The following KIF5C variants were observed in gnomAD, a reference collection of about 807,000 sequenced individuals.
The protein encoded by KIF5C is kinesin heavy chain isoform 5C.
In KIF5C, 18 loss-of-function variants were observed where a neutral mutation model predicts 125.2. That is an observed-to-expected ratio of 0.14 (90% CI 0.10 to 0.21). KIF5C has a LOEUF of 0.21. Ranked by LOEUF, KIF5C falls within the 10% of genes least tolerant of loss-of-function variation. KIF5C has a pLI of 1.00. For synonymous variants in KIF5C, 405 were observed against 434.0 expected (o/e 0.93, Z 0.83); for missense variants, 780 against 1,183.8 (o/e 0.66, Z 5.01).
chr2:148,964,078 C>T (rs1473279807), intron 11 of KIF5C, among the ~76,000 whole-genome samples: 9 of 152,124 alleles, frequency 5.9e-5, no homozygotes, highest in Non-Finnish European at 1.2e-4. Context: ...GAGTTCGAGA[C>T]CCGCCTGGCC....
intron 10 of KIF5C, 23 bp downstream of exon 10, chr2:148,950,485 C>T: frequency 6.2e-7 from 1 of 1,607,718 alleles, no homozygotes; most frequent in Non-Finnish European, 8.5e-7. Context: ...TCTCAGGACC[C>T]ATCCTCTGTG....
At chr2:148,880,686 A>C (rs577588262) in intron 1 of KIF5C, among the ~76,000 whole-genome samples, 1 of 152,320 alleles carries the variant, frequency 6.6e-6, no homozygotes, top group South Asian at 2.1e-4. Context: ...ATTCTAGTCT[A>C]GTAGTGTCAG....
chr2:148,877,582 G>A (rs1681227621), intron 1 of KIF5C, among the ~76,000 whole-genome samples: 1 of 152,212 alleles, frequency 6.6e-6, no homozygotes, highest in Non-Finnish European at 1.5e-5. Context: ...TAGATAGAGT[G>A]GGAGTTACTG....
At position 148,973,369 on chromosome 2, in the gene KIF5C, C is replaced by G; in HGVS notation, c.1151C>G (p.Ala384Gly). ...EAVPEDEQIS[A>G]KDQKNLEPCD... ...GTGCCTGAGGATGAACAGATCAGTG[C>G]CAAGGACCAGAAGAACCTGGAGCCT... is the stretch of plus-strand genomic sequence containing the variant. Residue 384 changes from alanine (A) to glycine (G), a missense_variant, in exon 12 of 26, where the codon GCC becomes GGC. Ala to Gly is a moderately conservative substitution (Grantham distance 60). This residue lies in a region of KIF5C where 573 missense variants were observed against 742.6 expected (regional missense o/e 0.77). Transcript: ENST00000435030. 6.2e-7 allele frequency: 1 copy of G among 1,613,540 alleles called. No individual in the cohort carries two copies. The highest frequency in any genetic ancestry group is 1.3e-5 in the African/African-American group (1 of 75,020).
intron 17 of KIF5C, 92 bp downstream of exon 17, chr2:148,994,630 G>A (rs952460693): frequency 7.0e-7 from 1 of 1,423,626 alleles, no homozygotes; most frequent in African/African-American, 1.5e-5. Context: ...GTTTCGTTCA[G>A]TTAAAGCATT....
In KIF5C at chr2:148,997,267, A is replaced by G. The variant is rs1198333572; in HGVS notation, c.2027A>G (p.Lys676Arg). The change falls in exon 18 of 26, where the codon AAA becomes AGA. Residue 676 changes from lysine (K) to arginine (R), a missense_variant. Coordinates refer to ENST00000435030, the MANE Select transcript of KIF5C (RefSeq NM_004522.3). ...EELAKLRAQEKMHEVSFQDKE... is the reference protein window; with the variant it reads ...EELAKLRAQERMHEVSFQDKE... ...CATCATTTAAAATTCAAAACAGAAA[A>G]AATGCACGAAGTCAGCTTCCAGGAT... 1 of 1,611,352 alleles carries G rather than the reference A, an allele frequency of 6.2e-7. No homozygotes were observed. The highest frequency in any genetic ancestry group is 8.5e-7 in the Non-Finnish European group (1 of 1,177,654).
chr2:148,989,630 A>G (rs1681473924), intron 15 of KIF5C, among the ~76,000 whole-genome samples: 2 of 152,050 alleles, frequency 1.3e-5, no homozygotes, highest in Non-Finnish European at 1.5e-5. Flanking sequence ...CCTGTTCATC[A>G]CTTCCATGCC....
chr2:149,022,565 T>C (rs187758632), intron 25 of KIF5C, among the ~76,000 whole-genome samples: 108 of 152,308 alleles, frequency 7.1e-4, no homozygotes, highest in African/African-American at 2.5e-3. Context: ...ATATAAAATA[T>C]ATTACAATTA....
chr2:148,899,972 A>C (rs949713118), intron 1 of KIF5C, among the ~76,000 whole-genome samples: 1 of 152,224 alleles, frequency 6.6e-6, no homozygotes. Context: ...CATTCTGCCT[A>C]ACTTTAAGCT....
At chr2:148,984,397 T>G (rs888246107) in intron 15 of KIF5C, among the ~76,000 whole-genome samples, 2 of 152,204 alleles carry the variant, frequency 1.3e-5, no homozygotes, top group Admixed American at 1.3e-4. Context: ...GAGAAGCAAA[T>G]TTTGTTTTGG....
chr2:148,935,090 GC>G (rs1363344891), intron 3 of KIF5C: 11 of 406,410 alleles, frequency 2.7e-5, no homozygotes, highest in Non-Finnish European at 4.9e-5. Context: ...GGGATGGGAG[GC>G]ATTATTATGA....
intron 10 of KIF5C, among the ~76,000 whole-genome samples, chr2:148,960,979 G>A (rs903335061): frequency 6.6e-6 from 1 of 152,134 alleles, no homozygotes; most frequent in Non-Finnish European, 1.5e-5. Context: ...CTGAGTCATG[G>A]CTTTTGTTTT....
At chr2:148,953,170 C>T (rs1166100634) in intron 10 of KIF5C, among the ~76,000 whole-genome samples, 2 of 152,204 alleles carry the variant, frequency 1.3e-5, no homozygotes, top group African/African-American at 2.4e-5. Flanking sequence ...ATTAGTTTCT[C>T]ATCAACCACT....
At chr2:148,918,871 G>C in intron 1 of KIF5C, among the ~76,000 whole-genome samples, 1 of 152,246 alleles carries the variant, frequency 6.6e-6, no homozygotes, top group Admixed American at 6.5e-5. Flanking sequence ...AGACCAGTCA[G>C]GAGGTGATAG....
At chr2:148,944,375 GT>G (rs1407883757) in intron 7 of KIF5C, among the ~76,000 whole-genome samples, 1 of 152,064 alleles carries the variant, frequency 6.6e-6, no homozygotes, top group Non-Finnish European at 1.5e-5. Flanking sequence ...ACTGCTCTAG[GT>G]ACCTCATGTA....
chr2:148,987,924 G>A (rs114242994), intron 15 of KIF5C, among the ~76,000 whole-genome samples: 73 of 152,164 alleles, frequency 4.8e-4, no homozygotes, highest in African/African-American at 1.7e-3. Flanking sequence ...GTTCATCATC[G>A]TGCACAGCCA....
At chr2:148,950,293 A>G (rs1164504960) in intron 9 of KIF5C, 21 bp from the exon 10 acceptor site, 1 of 1,610,752 alleles carries the variant, frequency 6.2e-7, no homozygotes, top group African/African-American at 1.3e-5. Context: ...CAAAACCAAT[A>G]CTTTTTCTTT....
In KIF5C at chr2:149,024,517, TGTGTGTGTGTGTGTGTG is replaced by T. The variant is rs1172279584; in HGVS notation, c.*1448_*1464del. On this transcript the variant is annotated 3_prime_UTR_variant, in exon 26 of 26. Coordinates refer to ENST00000435030, the MANE Select transcript of KIF5C (RefSeq NM_004522.3). ...CTGTGTGGGTCGAAGGTAGCTCAAG[TGTGTGTGTGTGTGTGTG>T]TGTGTGTGTGTGTGTGTGTGTGTGT... 1.1e-3 allele frequency: 1 copy of T among 902 alleles called. No homozygotes were observed. The highest frequency in any genetic ancestry group is 2.7e-3 in the African/African-American group (1 of 364). 0.1% of individuals were successfully genotyped at this position (902 alleles called of 1,614,324 possible).
intron 10 of KIF5C, among the ~76,000 whole-genome samples, chr2:148,955,164 T>A (rs1369607821): frequency 6.6e-6 from 1 of 152,176 alleles, no homozygotes; most frequent in Non-Finnish European, 1.5e-5. Flanking sequence ...GGAGCAGTGG[T>A]CCTTTCAGAA....
Sources: gnomAD v4.1 joint callset for allele counts (sites outside exome capture counted in the v4.1 genomes callset) on GRCh38, gnomAD v4.1.1 for gene constraint, gnomAD v4.1.1 regional missense constraint, MANE v1.5 for transcripts, NCBI Gene and HGNC (gene_info 2026-07-23, HGNC 2026-07-21) for gene names.